FOXP1: variants seen among roughly 807,000 people sequenced by gnomAD.
FOXP1 encodes the protein forkhead box protein P1.
A neutral mutation model predicts 98.2 loss-of-function variants in FOXP1; 15 were observed. The ratio of observed to expected loss-of-function variants is 0.15; its 90% CI spans 0.10 to 0.24. FOXP1 has a LOEUF of 0.24. FOXP1 is among the 10% of genes least tolerant of loss of function. The probability of loss-of-function intolerance (pLI) is 1.00; values close to 1 mark genes in which losing one functional copy is unlikely to be tolerated. For synonymous variants in FOXP1, 371 were observed against 314.5 expected (o/e 1.18, Z -1.90); for missense variants, 633 against 848.5 (o/e 0.75, Z 3.15).
intron 6 of FOXP1, among the ~76,000 whole-genome samples, chr3:71,155,936 T>C (rs2060800267): frequency 6.6e-6 from 1 of 152,208 alleles, no homozygotes; most frequent in Admixed American, 6.5e-5. Context: ...CCTTGTGCTT[T>C]GGACAATCAA....
chr3:71,252,835 A>G (rs2068311911), intron 5 of FOXP1, among the ~76,000 whole-genome samples: 2 of 152,156 alleles, frequency 1.3e-5, no homozygotes, highest in African/African-American at 4.8e-5. Flanking sequence ...CGAGTGATAA[A>G]CCTTTCTTAC....
intron 4 of FOXP1, chr3:71,332,047 T>G (rs1474386732): frequency 6.6e-6 from 1 of 152,102 alleles, no homozygotes; most frequent in Non-Finnish European, 1.5e-5. Context: ...CATAGAGAAA[T>G]AAAAAGCAGG....
intron 18 of FOXP1, 136 bp downstream of exon 18, chr3:70,972,419 G>T: frequency 2.3e-6 from 3 of 1,289,624 alleles, no homozygotes; most frequent in African/African-American, 1.5e-5. Flanking sequence ...GGGATGAAAT[G>T]CTTTTTTGCT....
intron 14 of FOXP1, among the ~76,000 whole-genome samples, chr3:70,986,006 G>A (rs2039666936): frequency 2.0e-5 from 3 of 152,202 alleles, no homozygotes; most frequent in Admixed American, 2.0e-4. Flanking sequence ...ACTGTGCTGA[G>A]CTACTAAGAG....
intron 17 of FOXP1, among the ~76,000 whole-genome samples, chr3:70,973,368 G>A (rs967081739): frequency 6.6e-6 from 1 of 152,084 alleles, no homozygotes; most frequent in Admixed American, 6.5e-5. Flanking sequence ...GAACACGAGT[G>A]GAACTCTCAA....
rs115329740 is a variant in FOXP1, at chr3:71,469,242, T to C, written c.-168+24184A>G. Among the ~76,000 whole-genome samples the C allele has an allele frequency of 4.0e-3, 611 of 152,294 alleles. 4 individuals are homozygous for C. The highest frequency in any genetic ancestry group is 0.014 in the African/African-American group (590 of 41,564). ...AATGACTTTATACTGCATTTGTGGA[T>C]ACAGCTCCACCCAAACCCAAAACAA... On this transcript the variant is annotated intron_variant, in intron 3 of 20. Coordinates refer to ENST00000649528, the MANE Select transcript of FOXP1 (RefSeq NM_001349338.3).
intron 20 of FOXP1, among the ~76,000 whole-genome samples, chr3:70,960,949 C>G (rs2033291727): frequency 6.7e-6 from 1 of 149,366 alleles, no homozygotes; most frequent in Non-Finnish European, 1.5e-5. Flanking sequence ...TCACGCCATT[C>G]TCCTGCCTCA....
intron 11 of FOXP1, among the ~76,000 whole-genome samples, chr3:71,017,395 A>G (rs762945917): frequency 1.3e-5 from 2 of 151,990 alleles, no homozygotes; most frequent in African/African-American, 4.8e-5. Context: ...AAGAAAAGAA[A>G]AATATTCCAA....
intron 4 of FOXP1, among the ~76,000 whole-genome samples, chr3:71,308,162 G>C (rs560553577): frequency 2.6e-5 from 4 of 151,156 alleles, no homozygotes; most frequent in Non-Finnish European, 5.9e-5. Flanking sequence ...AAGATGGGGG[G>C]GCGTAGTTGC....
At chr3:71,039,637 A>G (rs2048067388) in intron 11 of FOXP1, among the ~76,000 whole-genome samples, 1 of 152,084 alleles carries the variant, frequency 6.6e-6, no homozygotes, top group Admixed American at 6.6e-5. Flanking sequence ...ATGGATAAAG[A>G]TGTAATTCAA....
chr3:71,201,388 G>A (rs997961814), intron 5 of FOXP1, among the ~76,000 whole-genome samples: 1 of 152,210 alleles, frequency 6.6e-6, no homozygotes, highest in African/African-American at 2.4e-5. Flanking sequence ...GCTCATGCCT[G>A]TAATCCCAGC....
At chr3:71,393,317 GTTTT>G in intron 3 of FOXP1, among the ~76,000 whole-genome samples, 1 of 150,536 alleles carries the variant, frequency 6.6e-6, no homozygotes, top group South Asian at 2.1e-4. Flanking sequence ...TTGATCCTCA[GTTTT>G]TTTTTGTCTC....
intron 3 of FOXP1, among the ~76,000 whole-genome samples, chr3:71,447,093 T>G (rs1288622576): frequency 6.6e-6 from 1 of 152,190 alleles, no homozygotes; most frequent in African/African-American, 2.4e-5. Context: ...CATCTTTTGG[T>G]TTGTTACAAG....
intron 6 of FOXP1, among the ~76,000 whole-genome samples, chr3:71,169,386 T>C (rs992465947): frequency 1.4e-4 from 22 of 152,166 alleles, no homozygotes; most frequent in African/African-American, 5.3e-4. Context: ...TGGTCATAAA[T>C]ATTTCTTTCT....
intron 6 of FOXP1, among the ~76,000 whole-genome samples, chr3:71,126,884 C>G (rs13080355): frequency 3.1e-4 from 25 of 80,370 alleles, no homozygotes; most frequent in Non-Finnish European, 5.8e-4. Flanking sequence ...AAAAAAAAAA[C>G]AAAAACAAAA....
At position 71,041,375 on chromosome 3, in the gene FOXP1, A is replaced by G. The variant is rs200182031; in HGVS notation, c.822T>C (p.His274=). Residue 274 remains histidine (H), a synonymous_variant, in exon 11 of 21, where the codon CAT becomes CAC. Transcript: ENST00000649528. ...CTGAGAGCTGTCCATTGGTAGAGGCATGTGGGTTCATTATTAAGGAGGTCT... is the reference window on the plus strand; with the variant it reads ...CTGAGAGCTGTCCATTGGTAGAGGCGTGTGGGTTCATTATTAAGGAGGTCT... ...PSKTSLIMNP[H]ASTNGQLSVH... The G allele has an allele frequency of 6.2e-7, 1 of 1,613,736 alleles. No individual in the cohort carries two copies. Among genetic ancestry groups the G allele is most frequent in the African/African-American group, 1.3e-5 (1 of 74,968 alleles).
At chr3:71,191,867 G>A (rs1478526662) in intron 6 of FOXP1, among the ~76,000 whole-genome samples, 2 of 152,074 alleles carry the variant, frequency 1.3e-5, no homozygotes, top group African/African-American at 4.8e-5. Context: ...TGGTGGCATT[G>A]ATTCCTACAC....
At chr3:70,977,439 G>A (rs1168727374) in intron 16 of FOXP1, among the ~76,000 whole-genome samples, 1 of 152,080 alleles carries the variant, frequency 6.6e-6, no homozygotes, top group African/African-American at 2.4e-5. Flanking sequence ...TCACTGTTGT[G>A]TGAAATGAAT....
At chr3:71,126,413 C>T (rs942071060) in intron 6 of FOXP1, among the ~76,000 whole-genome samples, 6 of 152,018 alleles carry the variant, frequency 3.9e-5, no homozygotes, top group Non-Finnish European at 8.8e-5. Context: ...GGCGTGAACC[C>T]GGAAGGCAGA....
Sources: gnomAD v4.1 joint callset for allele counts (sites outside exome capture counted in the v4.1 genomes callset) on GRCh38, gnomAD v4.1.1 for gene constraint, MANE v1.5 for transcripts, NCBI Gene and HGNC (gene_info 2026-07-23, HGNC 2026-07-21) for gene names.